Variants in TTYH2 observed in about 807,000 individuals in gnomAD.
The protein encoded by TTYH2 is protein tweety homolog 2.
Under a neutral mutation model 68.3 loss-of-function variants are expected in TTYH2, and 49 were observed. The observed-to-expected ratio is 0.72, with a 90% CI of 0.57 to 0.91. TTYH2 has a LOEUF of 0.91. Ranked by LOEUF, TTYH2 falls within the 40% of genes least tolerant of loss-of-function variation. TTYH2 has a pLI of 0.00. For missense variants in TTYH2, 631 were observed against 700.4 expected, an observed-to-expected ratio of 0.90 and a Z score of 1.12; for synonymous variants, 272 against 300.8, an observed-to-expected ratio of 0.90 and a Z score of 0.99.
rs141267747 is a variant in TTYH2, at chr17:74,241,422, G to T, written c.636-1952G>T. Among the ~76,000 whole-genome samples the T allele has an allele frequency of 6.6e-6, 1 of 152,112 alleles. No homozygotes were observed. Among genetic ancestry groups the T allele is most frequent in the East Asian group, 1.9e-4 (1 of 5,182 alleles). On this transcript the variant is annotated intron_variant, in intron 4 of 13. Transcript: ENST00000269346. This position sits in a 1 kb window ranked among gnomAD's most constrained non-coding sequence, Gnocchi z 4.1. The stretch of plus-strand genomic sequence containing the variant: ...GCTCTGCCCACTCCCCAAAGCCCCC[G>T]GCTCCATTCCGGGGAACCCCAGAGA...
chr17:74,234,661 C>T (rs1280038913), intron 3 of TTYH2, among the ~76,000 whole-genome samples: 3 of 151,924 alleles, frequency 2.0e-5, no homozygotes, highest in African/African-American at 7.3e-5. Context: ...TTTTTTCCCC[C>T]TAAGGAGGAG....
Position 74,222,624 on chromosome 17 carries a change from C to A in TTYH2, c.269C>A (p.Thr90Asn). The change falls in exon 2 of 14, where the codon ACC becomes AAC. Residue 90 changes from threonine (T) to asparagine (N), a missense_variant. Thr to Asn is a moderately conservative substitution (Grantham distance 65, BLOSUM62 0). Coordinates refer to ENST00000269346, the MANE Select transcript of TTYH2 (RefSeq NM_032646.6). The surrounding 1 kb of genome is among the most constrained non-coding windows in gnomAD (Gnocchi z 5.2). Reference protein sequence around the residue: ...QTKQHHSCCITWTAVVAGLIC... With the variant: ...QTKQHHSCCINWTAVVAGLIC... ...AAGCAGCACCACTCCTGCTGCATCA[C>A]CTGGACGGCCGTGGTGGCCGGGCTC... 6.2e-7 allele frequency: 1 copy of A among 1,611,208 alleles called. No individual in the cohort carries two copies.
chr17:74,222,756 T>G lies in TTYH2; in HGVS notation c.302+99T>G. 7.4e-7 allele frequency: 1 copy of G among 1,347,462 alleles called. No homozygotes were observed. The highest frequency in any genetic ancestry group is 2.7e-5 in the Admixed American group (1 of 36,392). 83.5% of individuals were successfully genotyped at this position (1,347,462 alleles called of 1,614,324 possible). A position where few individuals can be genotyped will look rare whatever the true frequency, so the allele number is the denominator to read the frequency against. On this transcript the variant is annotated intron_variant, in intron 2 of 13. Coordinates refer to ENST00000269346, the MANE Select transcript of TTYH2 (RefSeq NM_032646.6). The surrounding 1 kb of genome is among the most constrained non-coding windows in gnomAD (Gnocchi z 5.2). Reference sequence around the variant, plus strand: ...TCTGACGGAGCTCCAGCTACCTTGATGGAAAAGCTTGTCCCCAGATGAATG... The same window carrying G: ...TCTGACGGAGCTCCAGCTACCTTGAGGGAAAAGCTTGTCCCCAGATGAATG...
rs1295958988 is a variant in TTYH2, at chr17:74,241,596, C to T, written c.636-1778C>T. 6.6e-6 allele frequency among the ~76,000 whole-genome samples: 1 copy of T among 152,168 alleles called. No individual in the cohort carries two copies. Among genetic ancestry groups the T allele is most frequent in the Non-Finnish European group, 1.5e-5 (1 of 68,030 alleles). Reference sequence around the variant, plus strand: ...GCTCCCTCCCCTCTCTCCCTCGGAGCCTCTTTGCCACTTTCTGCCAGCTCC... The same window carrying T: ...GCTCCCTCCCCTCTCTCCCTCGGAGTCTCTTTGCCACTTTCTGCCAGCTCC... On this transcript the variant is annotated intron_variant, in intron 4 of 13. Coordinates refer to ENST00000269346, the MANE Select transcript of TTYH2 (RefSeq NM_032646.6). This position sits in a 1 kb window ranked among gnomAD's most constrained non-coding sequence, Gnocchi z 4.1.
Position 74,250,439 on chromosome 17 carries a change from C to T in TTYH2, c.1116+82C>T, listed in dbSNP as rs536203519. 6.8e-5 allele frequency: 80 copies of T among 1,180,674 alleles called. No individual in the cohort carries two copies. The African/African-American group carries it at 8.3e-4, about 12-fold the overall frequency. 73.1% of individuals were successfully genotyped at this position (1,180,674 alleles called of 1,614,324 possible). A position where few individuals can be genotyped will look rare whatever the true frequency, so the allele number is the denominator to read the frequency against. ...CTTCCAGAGAAAAGCCGGTAGAGGC[C>T]GAGGGGAGCGATGGCCTGGGTCCCC... is the stretch of plus-strand genomic sequence containing the variant. On this transcript the variant is annotated intron_variant, in intron 10 of 13. Coordinates refer to ENST00000269346, the MANE Select transcript of TTYH2 (RefSeq NM_032646.6).
intron 2 of TTYH2, 117 bp from the exon 3 acceptor site, chr17:74,230,771 A>T: frequency 1.0e-6 from 1 of 976,318 alleles, no homozygotes; most frequent in Non-Finnish European, 1.5e-6. Flanking sequence ...CAACCTCCTG[A>T]GTAGCTGGGA....
At chr17:74,257,637 G>A (rs576404041) in intron 13 of TTYH2, among the ~76,000 whole-genome samples, 1 of 152,296 alleles carries the variant, frequency 6.6e-6, no homozygotes, top group East Asian at 1.9e-4. Flanking sequence ...TCCCTTGCTG[G>A]AAATGTTTCT....
At chr17:74,244,766 GAT>G (rs1251612249) in intron 6 of TTYH2, among the ~76,000 whole-genome samples, 1 of 152,156 alleles carries the variant, frequency 6.6e-6, no homozygotes, top group Non-Finnish European at 1.5e-5. Flanking sequence ...AAGAGGACGT[GAT>G]GTTTGCTGTT....
intron 6 of TTYH2, among the ~76,000 whole-genome samples, chr17:74,246,629 CT>C (rs1474351283): frequency 6.6e-6 from 1 of 152,208 alleles, no homozygotes; most frequent in African/African-American, 2.4e-5. Flanking sequence ...CAGTGACCTC[CT>C]TCCTGTCCCC....
chr17:74,220,005 T>C (rs377180142), intron 1 of TTYH2, among the ~76,000 whole-genome samples: 1 of 142,554 alleles, frequency 7.0e-6, no homozygotes, highest in African/African-American at 2.7e-5. Flanking sequence ...TTTTGGGAGG[T>C]TGGGTTACTT....
At chr17:74,216,687 A>G (rs1295966389) in intron 1 of TTYH2, among the ~76,000 whole-genome samples, 1 of 152,212 alleles carries the variant, frequency 6.6e-6, no homozygotes, top group Non-Finnish European at 1.5e-5. Context: ...TCCAGTGAGT[A>G]GAGGCATGAG....
At chr17:74,218,549 C>A (rs1305306235) in intron 1 of TTYH2, among the ~76,000 whole-genome samples, 1 of 150,670 alleles carries the variant, frequency 6.6e-6, no homozygotes, top group Admixed American at 6.6e-5. Flanking sequence ...AAAAAAAATG[C>A]CTCCGAGTTT....
chr17:74,221,173 C>G (rs975654926), intron 1 of TTYH2, among the ~76,000 whole-genome samples: 2 of 152,198 alleles, frequency 1.3e-5, no homozygotes, highest in African/African-American at 4.8e-5. Flanking sequence ...TGGGCTGCCC[C>G]CATCACTTCA....
rs1293163419 is a variant in TTYH2 at position 74,232,872 on chromosome 17, C to T, written c.414+1873C>T. 2.6e-5 allele frequency among the ~76,000 whole-genome samples: 4 copies of T among 152,214 alleles called. No individual in the cohort carries two copies. The highest frequency in any genetic ancestry group is 2.1e-4 in the South Asian group (1 of 4,838). ...GAGCTGCCAGGGAGGGGAGCTGGAA[C>T]GGGCCCCCAGGCTGGGGCCTCCCAC... is the stretch of plus-strand genomic sequence containing the variant. On this transcript the variant is annotated intron_variant, in intron 3 of 13. Transcript: ENST00000269346. The surrounding 1 kb of genome is among the most constrained non-coding windows in gnomAD (Gnocchi z 5.1).
At chr17:74,236,859 T>C (rs2050447731) in intron 3 of TTYH2, among the ~76,000 whole-genome samples, 1 of 151,190 alleles carries the variant, frequency 6.6e-6, no homozygotes, top group South Asian at 2.1e-4. Context: ...TGGGGCAGCA[T>C]GGTGTGTTCA....
intron 10 of TTYH2, among the ~76,000 whole-genome samples, chr17:74,251,199 G>A (rs1315761073): frequency 6.6e-6 from 1 of 151,694 alleles, no homozygotes; most frequent in Non-Finnish European, 1.5e-5. Context: ...TGCTGTGCAT[G>A]CGTGTGTGTG....
At chr17:74,244,878 G>GTGTT (rs1567818112) in intron 6 of TTYH2, among the ~76,000 whole-genome samples, 1 of 134,800 alleles carries the variant, frequency 7.4e-6, no homozygotes, top group Non-Finnish European at 1.6e-5. Context: ...GTGTGTGTGT[G>GTGTT]TGTGTTTGTG....
intron 1 of TTYH2, among the ~76,000 whole-genome samples, chr17:74,216,603 C>A (rs1391863260): frequency 6.6e-6 from 1 of 152,232 alleles, no homozygotes; most frequent in Non-Finnish European, 1.5e-5. Context: ...ACCCCTCTCC[C>A]CCCAGTGAAC....
Position 74,232,302 on chromosome 17 carries a change from G to A in TTYH2, c.414+1303G>A, listed in dbSNP as rs979611825. ...AGAGACAGCTGTGCTGCTCCTCCGT[G>A]CCCAAGTCAATTGTGGGAGGAGGCC... On this transcript the variant is annotated intron_variant, in intron 3 of 13. Transcript: ENST00000269346. This position sits in a 1 kb window ranked among gnomAD's most constrained non-coding sequence, Gnocchi z 5.1. 1.3e-5 allele frequency among the ~76,000 whole-genome samples: 2 copies of A among 152,206 alleles called. No homozygotes were observed. Among genetic ancestry groups the A allele is most frequent in the African/African-American group, 4.8e-5 (2 of 41,464 alleles).
Sources: gnomAD v4.1 joint callset for allele counts (sites outside exome capture counted in the v4.1 genomes callset) on GRCh38, gnomAD v4.1.1 for gene constraint, Gnocchi (gnomAD v3.1) non-coding constraint, MANE v1.5 for transcripts, NCBI Gene and HGNC (gene_info 2026-07-23, HGNC 2026-07-21) for gene names.